ZMIZ1: variants seen among roughly 807,000 people sequenced by gnomAD.
The protein encoded by ZMIZ1 is zinc finger MIZ domain-containing protein 1.
A neutral mutation model predicts 113.9 loss-of-function variants in ZMIZ1; 17 were observed. That is an observed-to-expected ratio of 0.15 (90% CI 0.10 to 0.22). The LOEUF is 0.22. Ranked by LOEUF, ZMIZ1 falls within the 10% of genes least tolerant of loss-of-function variation. The probability of loss-of-function intolerance (pLI) is 1.00; values close to 1 mark genes in which losing one functional copy is unlikely to be tolerated. For synonymous variants in ZMIZ1, 607 were observed against 603.1 expected, an observed-to-expected ratio of 1.01 and a Z score of -0.09; for missense variants, 1,059 against 1,477.8, an observed-to-expected ratio of 0.72 and a Z score of 4.65.
intron 6 of ZMIZ1, among the ~76,000 whole-genome samples, chr10:79,213,684 G>GTGC (rs1226133526): frequency 6.6e-6 from 1 of 152,242 alleles, no homozygotes; most frequent in African/African-American, 2.4e-5. Flanking sequence ...AGGGTCCTCA[G>GTGC]TGCAGGTTGG....
chr10:79,311,157 G>A lies in ZMIZ1; in HGVS notation c.3069G>A (p.Ala1023=), dbSNP rs756255971. 55 of 1,613,142 alleles carry A rather than the reference G, an allele frequency of 3.4e-5. No homozygotes were observed. The highest frequency in any genetic ancestry group is 8.3e-5 in the Admixed American group (5 of 60,008). Residue 1023 remains alanine, a synonymous_variant, in exon 24 of 25, where the codon GCG becomes GCA. Coordinates refer to ENST00000334512, the MANE Select transcript of ZMIZ1 (RefSeq NM_020338.4). The stretch of plus-strand genomic sequence containing the variant: ...AGGGTCAGGCCGGAGCGCAGGGAGC[G>A]TCCGACATGCCGGAGCCTTCGCTGG... The part of the protein sequence containing the change: ...ALEGQAGAQG[A]SDMPEPSLDL...
rs760237891 is a variant in ZMIZ1, at chr10:79,277,201, G to A, written c.301G>A (p.Glu101Lys). ...KSAALLSSWCEELGRLLLLRH... is the reference protein window; with the variant it reads ...KSAALLSSWCKELGRLLLLRH... ...TGCAGCCTTGTTGTCCTCCTGGTGC[G>A]AAGAGCTCGGCCGCCTGCTGCTGCT... The change falls in exon 8 of 25, where the codon GAA becomes AAA. Residue 101 changes from glutamate to lysine, a missense_variant. Around this residue, in one of 6 missense-constraint regions of ZMIZ1, gnomAD observed 272 missense variants for 350.4 expected, o/e 0.78. Coordinates refer to ENST00000334512, the MANE Select transcript of ZMIZ1 (RefSeq NM_020338.4). 6 of 1,558,972 alleles carry A rather than the reference G, an allele frequency of 3.8e-6. No homozygotes were observed. Among genetic ancestry groups the A allele is most frequent in the Non-Finnish European group, 5.2e-6 (6 of 1,152,840 alleles).
chr10:79,280,536 A>G lies in ZMIZ1; in HGVS notation c.425+3211A>G, dbSNP rs1273421543. Among the ~76,000 whole-genome samples, 4 of 151,574 alleles carry G rather than the reference A, an allele frequency of 2.6e-5. No homozygotes were observed. In the East Asian group the frequency reaches 5.8e-4, roughly 22 times the overall value. On this transcript the variant is annotated intron_variant, in intron 8 of 24. Coordinates refer to ENST00000334512, the MANE Select transcript of ZMIZ1 (RefSeq NM_020338.4). ...ACAATCCTACCACCTTGGCCTCCCA[A>G]CGTGCTGGGATTACAGGCATGCACC...
intron 2 of ZMIZ1, among the ~76,000 whole-genome samples, chr10:79,121,345 T>C (rs1298944924): frequency 6.6e-6 from 1 of 152,192 alleles, no homozygotes; most frequent in African/African-American, 2.4e-5. Context: ...TTCCTTTCCC[T>C]CCCTCCTTCC....
intron 1 of ZMIZ1, among the ~76,000 whole-genome samples, chr10:79,117,598 C>T (rs1254324548): frequency 6.6e-6 from 1 of 152,218 alleles, no homozygotes; most frequent in Non-Finnish European, 1.5e-5. Flanking sequence ...CATTCTAACA[C>T]ATGTCTTCTG....
chr10:79,171,349 G>A (rs1435247360), intron 4 of ZMIZ1, among the ~76,000 whole-genome samples: 2 of 152,200 alleles, frequency 1.3e-5, no homozygotes, highest in Non-Finnish European at 2.9e-5. Flanking sequence ...CTGGGCTGTC[G>A]CTCAGAGGAT....
chr10:79,159,414 C>G (rs764599423), intron 3 of ZMIZ1, among the ~76,000 whole-genome samples: 6 of 152,186 alleles, frequency 3.9e-5, no homozygotes, highest in Non-Finnish European at 7.4e-5. Context: ...TGCCCGGCGC[C>G]GTCTGGCCCT....
intron 2 of ZMIZ1, among the ~76,000 whole-genome samples, chr10:79,121,286 T>C (rs981043668): frequency 1.2e-4 from 19 of 152,150 alleles, no homozygotes; most frequent in African/African-American, 3.9e-4. Context: ...ACAGCCAGAA[T>C]TGGGTGCTTA....
At chr10:79,096,253 G>A (rs1490827921) in intron 1 of ZMIZ1, among the ~76,000 whole-genome samples, 1 of 152,214 alleles carries the variant, frequency 6.6e-6, no homozygotes, top group Non-Finnish European at 1.5e-5. Context: ...GCTCACGCCT[G>A]TAATACCAGC....
At position 79,251,595 on chromosome 10, in the gene ZMIZ1, T is replaced by C. The variant is rs185109781; in HGVS notation, c.281-25586T>C. On this transcript the variant is annotated intron_variant, in intron 7 of 24. Coordinates refer to ENST00000334512, the MANE Select transcript of ZMIZ1 (RefSeq NM_020338.4). The stretch of plus-strand genomic sequence containing the variant: ...CCCCGAACTGGTAGAACATGCAGAA[T>C]GCCCATCTTCTCCAAGAGCCTGAGA... Among the ~76,000 whole-genome samples, 43 of 152,312 alleles carry C rather than the reference T, an allele frequency of 2.8e-4. 1 individual carries two copies. The highest frequency in any genetic ancestry group is 2.7e-3 in the Admixed American group (42 of 15,310).
chr10:79,296,430 A>G lies in ZMIZ1; in HGVS notation c.1231-41A>G. 1 of 1,608,720 alleles carries G rather than the reference A, an allele frequency of 6.2e-7. No individual in the cohort carries two copies. The highest frequency in any genetic ancestry group is 1.7e-4 in the Middle Eastern group (1 of 6,054). On this transcript the variant is annotated intron_variant, in intron 12 of 24. Coordinates refer to ENST00000334512, the MANE Select transcript of ZMIZ1 (RefSeq NM_020338.4). The surrounding 1 kb of genome is among the most constrained non-coding windows in gnomAD (Gnocchi z 4.1). ...GTGACCTGGCTATGTGACGTTGGCA[A>G]CATTGAACGTGTTTCCCCTCTCCTT...
At chr10:79,180,563 C>T (rs1261156953) in intron 4 of ZMIZ1, among the ~76,000 whole-genome samples, 1 of 152,188 alleles carries the variant, frequency 6.6e-6, no homozygotes, top group Non-Finnish European at 1.5e-5. Context: ...ACAGTCTGGC[C>T]CAAAGGAAGT....
At chr10:79,083,647 G>T (rs546006839) in intron 1 of ZMIZ1, among the ~76,000 whole-genome samples, 1 of 152,202 alleles carries the variant, frequency 6.6e-6, no homozygotes, top group Non-Finnish European at 1.5e-5. Flanking sequence ...GAGACCATCT[G>T]GGCAGCATTT....
chr10:79,213,235 C>T (rs567504445), intron 6 of ZMIZ1, among the ~76,000 whole-genome samples: 19 of 152,286 alleles, frequency 1.2e-4, no homozygotes, highest in Middle Eastern at 3.4e-3. Context: ...ACAGCTGAGC[C>T]CACGCTCCCA....
chr10:79,237,184 G>A (rs1207335102), intron 7 of ZMIZ1, among the ~76,000 whole-genome samples: 1 of 152,216 alleles, frequency 6.6e-6, no homozygotes, highest in Non-Finnish European at 1.5e-5. Context: ...GGGCATCGAG[G>A]CTGGACCAGA....
At chr10:79,213,894 C>T (rs1848619663) in intron 6 of ZMIZ1, among the ~76,000 whole-genome samples, 1 of 152,154 alleles carries the variant, frequency 6.6e-6, no homozygotes, top group African/African-American at 2.4e-5. Flanking sequence ...AAAGAATTTG[C>T]ACTTTGTTGC....
In ZMIZ1 at chr10:79,277,163, G is replaced by C; in HGVS notation, c.281-18G>C. The C allele has an allele frequency of 6.6e-7, 1 of 1,515,260 alleles. No individual in the cohort carries two copies. The allele number at this position is 1,515,260 out of a possible 1,614,324, so 93.9% of individuals were successfully genotyped here. ...CATGATGAACAAGCACCCACTGACT[G>C]TCCTGTCCTTCCTGCAGCCTTGTTG... On this transcript the variant is annotated intron_variant, in intron 7 of 24. Coordinates refer to ENST00000334512, the MANE Select transcript of ZMIZ1 (RefSeq NM_020338.4).
At chr10:79,281,533 G>A (rs1852739576) in intron 8 of ZMIZ1, among the ~76,000 whole-genome samples, 1 of 152,250 alleles carries the variant, frequency 6.6e-6, no homozygotes, top group East Asian at 1.9e-4. Context: ...CATCACCATG[G>A]CCTCAGCTCT....
intron 1 of ZMIZ1, among the ~76,000 whole-genome samples, chr10:79,102,418 C>T (rs895398616): frequency 2.0e-5 from 3 of 152,232 alleles, no homozygotes; most frequent in African/African-American, 7.2e-5. Context: ...CCCTCTGCTC[C>T]ATCAGCCTCA....
Sources: gnomAD v4.1 joint callset for allele counts (sites outside exome capture counted in the v4.1 genomes callset) on GRCh38, gnomAD v4.1.1 for gene constraint, gnomAD v4.1.1 regional missense constraint, Gnocchi (gnomAD v3.1) non-coding constraint, MANE v1.5 for transcripts, NCBI Gene and HGNC (gene_info 2026-07-23, HGNC 2026-07-21) for gene names.